The following SSBP3 variants were observed in gnomAD, a reference collection of about 807,000 sequenced individuals.
The protein encoded by SSBP3 is single-stranded DNA-binding protein 3.
In SSBP3, 5 loss-of-function variants were observed where a neutral mutation model predicts 69.6. The observed-to-expected ratio is 0.07, with a 90% CI of 0.04 to 0.15. The LOEUF is 0.15. Ranked by LOEUF, SSBP3 falls within the 10% of genes least tolerant of loss-of-function variation. The pLI is 1.00. For synonymous variants in SSBP3, 196 were observed against 193.4 expected, an observed-to-expected ratio of 1.01 and a Z score of -0.11; for missense variants, 312 against 534.0, an observed-to-expected ratio of 0.58 and a Z score of 4.10.
At chr1:54,391,565 C>T (rs1395379542) in intron 4 of SSBP3, among the ~76,000 whole-genome samples, 1 of 152,230 alleles carries the variant, frequency 6.6e-6, no homozygotes, top group Non-Finnish European at 1.5e-5. Flanking sequence ...CTCTCTCAAA[C>T]AGCCTTTTGT....
At chr1:54,413,073 A>T (rs1007210271) in intron 1 of SSBP3, 1 of 152,224 alleles carries the variant, frequency 6.6e-6, no homozygotes, top group African/African-American at 2.4e-5. Context: ...CATGTGGGAA[A>T]GACTTACGGA....
intron 4 of SSBP3, among the ~76,000 whole-genome samples, chr1:54,312,780 C>T (rs1646026655): frequency 6.6e-6 from 1 of 152,220 alleles, no homozygotes; most frequent in Non-Finnish European, 1.5e-5. Flanking sequence ...TGGGTCCCAC[C>T]TGGGAGCCAG....
At chr1:54,244,106 A>ATT (rs547064575) in intron 9 of SSBP3, among the ~76,000 whole-genome samples, 1 of 143,316 alleles carries the variant, frequency 7.0e-6, no homozygotes. Flanking sequence ...ATTTTCGATG[A>ATT]TTTTTTTTTT....
At chr1:54,305,274 C>A (rs572130111) in intron 4 of SSBP3, among the ~76,000 whole-genome samples, 1 of 152,314 alleles carries the variant, frequency 6.6e-6, no homozygotes, top group African/African-American at 2.4e-5. Flanking sequence ...CAGGCCCTGC[C>A]CTTCCCAATA....
chr1:54,244,968 GT>G (rs1374100681), intron 9 of SSBP3, among the ~76,000 whole-genome samples: 2 of 152,280 alleles, frequency 1.3e-5, no homozygotes, highest in East Asian at 1.9e-4. Context: ...CCCTTTGAAG[GT>G]GGGGCTGTGT....
intron 10 of SSBP3, 122 bp from the exon 11 acceptor site, chr1:54,242,334 C>A: frequency 6.3e-6 from 7 of 1,104,398 alleles, no homozygotes; most frequent in Admixed American, 6.1e-5. Flanking sequence ...TACAGCCCTG[C>A]GGTTTAGAGC....
upstream of SSBP3, among the ~76,000 whole-genome samples, chr1:54,411,304 C>G (rs1649983045): frequency 6.6e-6 from 1 of 151,932 alleles, no homozygotes; most frequent in Non-Finnish European, 1.5e-5. Flanking sequence ...ATGGTGAAAC[C>G]CCGTCTCTAC....
chr1:54,362,249 A>T (rs149537570), intron 4 of SSBP3, among the ~76,000 whole-genome samples: 54 of 152,318 alleles, frequency 3.5e-4, no homozygotes, highest in Admixed American at 8.5e-4. Flanking sequence ...CGAGCTCAGT[A>T]ACCCTGCCAG....
intron 4 of SSBP3, among the ~76,000 whole-genome samples, chr1:54,351,116 C>G (rs550682449): frequency 1.3e-5 from 2 of 152,150 alleles, no homozygotes; most frequent in Admixed American, 1.3e-4. Context: ...TGTGAGCCAC[C>G]GTGCCCAGCC....
chr1:54,238,503 G>GA, intron 14 of SSBP3: 1 of 371,106 alleles, frequency 2.7e-6, no homozygotes, highest in South Asian at 2.1e-5. Context: ...CCCCCTGGGT[G>GA]AGGAGACAGG....
intron 4 of SSBP3, among the ~76,000 whole-genome samples, chr1:54,398,817 G>T (rs1649078711): frequency 6.6e-6 from 1 of 152,088 alleles, no homozygotes; most frequent in Admixed American, 6.5e-5. Context: ...TTCCCCCAAT[G>T]CTCCCGTTGC....
chr1:54,332,655 C>T (rs1387049470), intron 4 of SSBP3, among the ~76,000 whole-genome samples: 1 of 152,094 alleles, frequency 6.6e-6, no homozygotes. Flanking sequence ...GGAAGTGACA[C>T]GCTCCCAGGG....
chr1:54,375,505 C>T (rs1164629182), intron 4 of SSBP3, among the ~76,000 whole-genome samples: 1 of 152,166 alleles, frequency 6.6e-6, no homozygotes, highest in Non-Finnish European at 1.5e-5. Flanking sequence ...GAAGCTGCTA[C>T]AGTATACTCC....
chr1:54,335,579 C>T (rs1159707743), intron 4 of SSBP3, among the ~76,000 whole-genome samples: 1 of 152,214 alleles, frequency 6.6e-6, no homozygotes, highest in Admixed American at 6.5e-5. Flanking sequence ...TTACCACAGG[C>T]TGCCATGGGC....
intron 4 of SSBP3, among the ~76,000 whole-genome samples, chr1:54,352,249 T>C (rs1008569279): frequency 2.3e-5 from 3 of 131,496 alleles, no homozygotes; most frequent in African/African-American, 5.7e-5. Flanking sequence ...ACCAAAAGCC[T>C]AAAACTTCGG....
chr1:54,266,403 G>C (rs1199854753), intron 5 of SSBP3, among the ~76,000 whole-genome samples: 3 of 152,188 alleles, frequency 2.0e-5, no homozygotes, highest in Non-Finnish European at 4.4e-5. Flanking sequence ...TTGGAACACA[G>C]TGCAAATAAA....
At chr1:54,229,190 T>C (rs1308194893) in intron 14 of SSBP3, among the ~76,000 whole-genome samples, 1 of 152,182 alleles carries the variant, frequency 6.6e-6, no homozygotes, top group Non-Finnish European at 1.5e-5. Flanking sequence ...TGGACAGCTC[T>C]CCGACCATGT....
chr1:54,348,579 T>C (rs1646729177), intron 4 of SSBP3, among the ~76,000 whole-genome samples: 2 of 152,352 alleles, frequency 1.3e-5, no homozygotes, highest in Admixed American at 1.3e-4. Context: ...TTATTTGTTT[T>C]GGATTTCCAA....
chr1:54,296,246 T>C (rs536445877), intron 4 of SSBP3, among the ~76,000 whole-genome samples: 1 of 152,214 alleles, frequency 6.6e-6, no homozygotes. Flanking sequence ...CAAACAACTG[T>C]TGGAAGAGAC....
Sources: allele counts gnomAD v4.1 joint callset (sites outside exome capture counted in the v4.1 genomes callset), GRCh38; gene constraint gnomAD v4.1.1; transcripts MANE v1.5; gene names NCBI Gene and HGNC (gene_info 2026-07-23, HGNC 2026-07-21).